PTPN4: variants seen among roughly 807,000 people sequenced by gnomAD.
PTPN4 encodes tyrosine-protein phosphatase non-receptor type 4.
In PTPN4, 49 loss-of-function variants were observed where a neutral mutation model predicts 135.5. That is an observed-to-expected ratio of 0.36 (90% confidence interval 0.29 to 0.46). PTPN4 has a LOEUF of 0.46. Among genes scored for constraint, PTPN4 ranks in the 20% least tolerant of loss-of-function variants. The pLI is 1.00. For synonymous variants in PTPN4, 333 were observed against 369.9 expected (o/e 0.90, Z 1.14); for missense variants, 860 against 1,101.0 (o/e 0.78, Z 3.10).
intron 5 of PTPN4, among the ~76,000 whole-genome samples, chr2:119,879,604 G>A (rs576275746): frequency 6.6e-6 from 1 of 152,328 alleles, no homozygotes; most frequent in African/African-American, 2.4e-5. Flanking sequence ...GATGGGACCT[G>A]AGCATAGGCA....
intron 15 of PTPN4, among the ~76,000 whole-genome samples, chr2:119,940,812 C>T (rs1440331365): frequency 6.6e-6 from 1 of 151,950 alleles, no homozygotes; most frequent in African/African-American, 2.4e-5. Flanking sequence ...TACAATTGTG[C>T]CTTTACCGTT....
chr2:119,829,541 G>T (rs1029267476), intron 2 of PTPN4, among the ~76,000 whole-genome samples: 25 of 152,062 alleles, frequency 1.6e-4, no homozygotes, highest in African/African-American at 5.3e-4. Context: ...AATTTACCTA[G>T]TCTAGATATT....
Position 119,885,866 on chromosome 2 carries a change from A to C in PTPN4, c.659A>C (p.Glu220Ala), listed in dbSNP as rs2105005142. 8.8e-6 allele frequency: 14 copies of C among 1,598,998 alleles called. No individual in the cohort carries two copies. Among genetic ancestry groups the C allele is most frequent in the Non-Finnish European group, 1.2e-5 (14 of 1,173,992 alleles). The change falls in exon 9 of 27, where the codon GAA becomes GCA. Residue 220 changes from glutamate (E) to alanine (A), a missense_variant. By Grantham distance (107) the Glu-to-Ala change is moderately radical. Around this residue, in one of 2 missense-constraint regions of PTPN4, gnomAD observed 684 missense variants for 807.0 expected, o/e 0.85. Coordinates refer to ENST00000263708, the MANE Select transcript of PTPN4 (RefSeq NM_002830.4). ...CGTACCTTAGAACTCTATGGAGTTG[A>C]ATTCCACTATGCAAGGGTAAGTGAA... ...TARTLELYGV[E>A]FHYARDQSNN...
chr2:119,976,005 T>A (rs1286315070), intron 26 of PTPN4, among the ~76,000 whole-genome samples: 1 of 143,382 alleles, frequency 7.0e-6, no homozygotes, highest in Non-Finnish European at 1.6e-5. Context: ...ATTTATTTTT[T>A]TTTTTTTTGA....
Position 119,809,743 on chromosome 2 carries a change from TTTAA to T in PTPN4, c.-17-91_-17-88del, listed in dbSNP as rs1691543064. ...ATTTATAACTGTTTTCCACCTAAGTTTTAATTGAGAAATATATAATAACTTTGCC... is the reference window on the plus strand; with the variant it reads ...ATTTATAACTGTTTTCCACCTAAGTTTTGAGAAATATATAATAACTTTGCC... On this transcript the variant is annotated intron_variant, in intron 1 of 26. Transcript: ENST00000263708. 7 of 1,124,940 alleles carry T rather than the reference TTTAA, an allele frequency of 6.2e-6. No homozygotes were observed. The Middle Eastern group carries it at 6.2e-4, about 99-fold the overall frequency. The allele number at this position is 1,124,940 out of a possible 1,614,324, so 69.7% of individuals were successfully genotyped here. A position where few individuals can be genotyped will look rare whatever the true frequency, so the allele number is the denominator to read the frequency against.
chr2:119,899,764 A>T (rs180980244), intron 9 of PTPN4, among the ~76,000 whole-genome samples: 32 of 152,240 alleles, frequency 2.1e-4, no homozygotes, highest in African/African-American at 7.5e-4. Flanking sequence ...AATAATGTTG[A>T]TTATTGCTAG....
intron 10 of PTPN4, among the ~76,000 whole-genome samples, chr2:119,909,218 C>T (rs968504573): frequency 1.3e-5 from 2 of 152,174 alleles, no homozygotes; most frequent in Admixed American, 6.5e-5. Context: ...CCATCTAAGA[C>T]TATCATAGAT....
chr2:119,962,733 T>C lies in PTPN4; in HGVS notation c.2398T>C (p.Phe800Leu). 1 of 1,582,360 alleles carries C rather than the reference T, an allele frequency of 6.3e-7. No homozygotes were observed. ...CTATATCTTCAGGAAGATGACCCTA[T>C]TTAACCAAGAGGTAAGAAGGCAGGA... ...TAYIFRKMTL[F>L]NQEKNESRPL... The change falls in exon 24 of 27, where the codon TTT becomes CTT. Residue 800 changes from phenylalanine to leucine, a missense_variant. By Grantham distance (22) the Phe-to-Leu change is conservative (BLOSUM62 0). Transcript: ENST00000263708.
intron 2 of PTPN4, among the ~76,000 whole-genome samples, chr2:119,836,387 C>A (rs1325854884): frequency 8.5e-5 from 13 of 152,194 alleles, no homozygotes; most frequent in Non-Finnish European, 1.5e-5. Context: ...ATGAAACTGG[C>A]CTGTGTAGCA....
At chr2:119,785,490 A>G (rs557436328) in intron 1 of PTPN4, among the ~76,000 whole-genome samples, 1 of 152,172 alleles carries the variant, frequency 6.6e-6, no homozygotes, top group Non-Finnish European at 1.5e-5. Context: ...GATTAATGGC[A>G]TAGTAGAGTT....
At chr2:119,923,671 TAAAAAAATA>T (rs1320024914) in intron 12 of PTPN4, among the ~76,000 whole-genome samples, 121 of 152,064 alleles carry the variant, frequency 8.0e-4, no homozygotes, top group African/African-American at 2.6e-3. Flanking sequence ...TTATCAGGTA[TAAAAAAATA>T]ACTTTTTATC....
At chr2:119,848,238 A>G (rs1314433908) in intron 2 of PTPN4, among the ~76,000 whole-genome samples, 3 of 147,542 alleles carry the variant, frequency 2.0e-5, no homozygotes, top group Non-Finnish European at 4.5e-5. Context: ...CAGTGGCTCC[A>G]TCTCGGCTCA....
chr2:119,877,255 A>T, intron 3 of PTPN4, 68 bp from the exon 4 acceptor site: 1 of 1,528,120 alleles, frequency 6.5e-7, no homozygotes, highest in Middle Eastern at 2.4e-4. Flanking sequence ...AATGGAACAG[A>T]TTTGCAAGAA....
chr2:119,862,854 G>C (rs906692686), intron 3 of PTPN4, among the ~76,000 whole-genome samples: 1 of 151,878 alleles, frequency 6.6e-6, no homozygotes, highest in Admixed American at 6.6e-5. Context: ...ATTATGTCAG[G>C]TAATGTCACT....
At chr2:119,975,005 T>C (rs1201423707) in intron 26 of PTPN4, among the ~76,000 whole-genome samples, 1 of 152,216 alleles carries the variant, frequency 6.6e-6, no homozygotes, top group Non-Finnish European at 1.5e-5. Context: ...CTATAAACAG[T>C]ATGGCTAATG....
intron 5 of PTPN4, among the ~76,000 whole-genome samples, chr2:119,879,384 G>T (rs1678036485): frequency 6.6e-6 from 1 of 152,182 alleles, no homozygotes; most frequent in Non-Finnish European, 1.5e-5. Context: ...TTTGCTCTCA[G>T]ACCCTTTTAT....
chr2:119,885,381 A>G (rs915367694), intron 8 of PTPN4, among the ~76,000 whole-genome samples: 1 of 152,206 alleles, frequency 6.6e-6, no homozygotes, highest in Non-Finnish European at 1.5e-5. Flanking sequence ...CTGTCTGTGC[A>G]CCACACTCTG....
intron 2 of PTPN4, among the ~76,000 whole-genome samples, chr2:119,837,823 G>A (rs879491419): frequency 5.3e-5 from 8 of 152,218 alleles, no homozygotes; most frequent in East Asian, 1.9e-4. Flanking sequence ...TCAGGTGCCC[G>A]CATCGGAAGT....
intron 1 of PTPN4, among the ~76,000 whole-genome samples, chr2:119,774,487 C>A (rs1012430759): frequency 2.3e-4 from 35 of 152,334 alleles, no homozygotes; most frequent in African/African-American, 8.4e-4. Context: ...ATTGAAAATG[C>A]AGCTTTTATA....
Sources: gnomAD v4.1 joint callset for allele counts (sites outside exome capture counted in the v4.1 genomes callset) on GRCh38, gnomAD v4.1.1 for gene constraint, gnomAD v4.1.1 regional missense constraint, MANE v1.5 for transcripts, NCBI Gene and HGNC (gene_info 2026-07-23, HGNC 2026-07-21) for gene names.